Variants in PTP4A1 observed in about 807,000 individuals in gnomAD.
The protein encoded by PTP4A1 is protein tyrosine phosphatase type IVA 1.
PTP4A1 carries 9 observed loss-of-function variants against 20.5 expected under a neutral mutation model. The observed-to-expected ratio is 0.44, with a 90% CI of 0.26 to 0.77. The LOEUF is 0.77. Among genes scored for constraint, PTP4A1 ranks in the 30% least tolerant of loss-of-function variants. The pLI is 0.19. For synonymous variants in PTP4A1, 78 were observed against 67.4 expected (o/e 1.16, Z -0.77); for missense variants, 137 against 218.8 (o/e 0.63, Z 2.36).
At chr6:63,529,093 ATATATATATGTGTGTATATATATATATG>A (rs1562112309) in intron 2 of PTP4A1, among the ~76,000 whole-genome samples, 1 of 141,772 alleles carries the variant, frequency 7.1e-6, no homozygotes, top group Non-Finnish European at 1.5e-5. Flanking sequence ...CCATCTCAAA[ATATATATATGTGTGTATATATATATATG>A]TATATATATG....
chr6:63,580,434 C>G lies in PTP4A1; in HGVS notation c.*260C>G. On this transcript the variant is annotated 3_prime_UTR_variant, in exon 6 of 6. Transcript: ENST00000626021. ...TCATTTGTATCAATTGACCTTTCCC[C>G]AAATCATGCAGTATTGAGTTATGAC... 5.3e-6 allele frequency: 2 copies of G among 377,296 alleles called. No homozygotes were observed. Among genetic ancestry groups the G allele is most frequent in the Non-Finnish European group, 9.8e-6 (2 of 203,298 alleles). 23.4% of individuals were successfully genotyped at this position (377,296 alleles called of 1,614,324 possible).
chr6:63,572,017 T>C (rs548846533), upstream of PTP4A1: 1 of 152,200 alleles, frequency 6.6e-6, no homozygotes, highest in African/African-American at 2.4e-5. Flanking sequence ...CTGGCAAAGA[T>C]GACCGTGGTT....
chr6:63,516,471 T>C, the PTP4A1 span, among the ~76,000 whole-genome samples: 7,710 of 152,268 alleles, frequency 0.051, 675 homozygotes, highest in African/African-American at 0.18. Context: ...TTGAGAGCTC[T>C]GAAGTTTGAA....
intron 1 of PTP4A1, among the ~76,000 whole-genome samples, chr6:63,522,431 C>A (rs887450442): frequency 4.6e-5 from 7 of 152,010 alleles, no homozygotes; most frequent in Admixed American, 6.6e-5. Context: ...ATCAGGGGAC[C>A]CTAGTTACAA....
chr6:63,517,726 C>T (rs1329045740), upstream of PTP4A1, among the ~76,000 whole-genome samples: 2 of 152,104 alleles, frequency 1.3e-5, no homozygotes, highest in African/African-American at 4.8e-5. Flanking sequence ...ATATGTATCA[C>T]AGACACTGAT....
Position 63,572,642 on chromosome 6 carries a change from C to A in PTP4A1, c.-523C>A. On this transcript the variant is annotated 5_prime_UTR_variant, in exon 1 of 6. Transcript: ENST00000626021. Reference sequence around the variant, plus strand: ...CCGCCGCCTCCTGCCCTGCAGCCACCGCCACCGCCTGTGTCGCCGCCGCCT... The same window carrying A: ...CCGCCGCCTCCTGCCCTGCAGCCACAGCCACCGCCTGTGTCGCCGCCGCCT... 1 of 417,734 alleles carries A rather than the reference C, an allele frequency of 2.4e-6. No individual in the cohort carries two copies. 25.9% of individuals were successfully genotyped at this position (417,734 alleles called of 1,614,324 possible).
intron 2 of PTP4A1, among the ~76,000 whole-genome samples, chr6:63,541,560 T>G (rs1363378379): frequency 6.6e-6 from 1 of 151,964 alleles, no homozygotes; most frequent in Non-Finnish European, 1.5e-5. Flanking sequence ...ACAATTTAAG[T>G]CTGAAAGGAA....
intron 3 of PTP4A1, among the ~76,000 whole-genome samples, chr6:63,563,839 C>T (rs1454697943): frequency 6.6e-6 from 1 of 152,056 alleles, no homozygotes; most frequent in African/African-American, 2.4e-5. Flanking sequence ...AGACTAAGAA[C>T]CCTGCAAAGA....
In PTP4A1 at chr6:63,581,267, ATTTGT is replaced by A. The variant is rs1328328877; in HGVS notation, c.*1097_*1101del. 2.6e-5 allele frequency: 4 copies of A among 152,556 alleles called. No homozygotes were observed. Among genetic ancestry groups the A allele is most frequent in the Non-Finnish European group, 5.9e-5 (4 of 68,002 alleles). 9.5% of individuals were successfully genotyped at this position (152,556 alleles called of 1,614,324 possible). On this transcript the variant is annotated 3_prime_UTR_variant, in exon 6 of 6. Transcript: ENST00000626021. ...TAACTTAATATTTGGATACTTGACA[ATTTGT>A]TTTATTATGTAATTGATAAAATGGT...
rs568352047 is a variant in PTP4A1 at position 63,535,579 on chromosome 6, C to G, written c.-640+7495C>G. On this transcript the variant is annotated intron_variant, in intron 2 of 3. Transcript: ENST00000639568. Reference sequence around the variant, plus strand: ...GCATTTGCCAGTTGTACATATGTGTCATATGATTCTTTCAGGGATAATATG... The same window carrying G: ...GCATTTGCCAGTTGTACATATGTGTGATATGATTCTTTCAGGGATAATATG... Among the ~76,000 whole-genome samples the G allele has an allele frequency of 7.2e-5, 11 of 152,264 alleles. No individual in the cohort carries two copies. In the East Asian group the frequency reaches 1.9e-3, roughly 27 times the overall value.
rs148469094 is a variant in PTP4A1, at chr6:63,537,524, G to A, written c.-640+9440G>A. On this transcript the variant is annotated intron_variant, in intron 2 of 3. Coordinates refer to the PTP4A1 transcript ENST00000639568. ...CAGTAGAGAACCATTGCCTTAGAGC[G>A]TACCTTTTCACCCCAGAGAAAAAAG... Among the ~76,000 whole-genome samples, 652 of 152,258 alleles carry A rather than the reference G, an allele frequency of 4.3e-3. 2 individuals carry two copies. The highest frequency in any genetic ancestry group is 7.3e-3 in the Non-Finnish European group (497 of 68,020).
intron 2 of PTP4A1, among the ~76,000 whole-genome samples, chr6:63,541,430 A>G (rs1284296783): frequency 1.3e-5 from 2 of 151,948 alleles, no homozygotes; most frequent in Non-Finnish European, 2.9e-5. Context: ...GCAGGTGCCT[A>G]TAATTCCAGC....
intron 2 of PTP4A1, among the ~76,000 whole-genome samples, chr6:63,538,321 G>T (rs1189442829): frequency 6.6e-6 from 1 of 152,150 alleles, no homozygotes; most frequent in Non-Finnish European, 1.5e-5. Flanking sequence ...TGTACTGAAA[G>T]TTCAGTGAAC....
chr6:63,551,974 G>A (rs1176087421), intron 3 of PTP4A1, among the ~76,000 whole-genome samples: 1 of 152,144 alleles, frequency 6.6e-6, no homozygotes, highest in Non-Finnish European at 1.5e-5. Flanking sequence ...CCAAGTCTTT[G>A]CTATTGTGAG....
chr6:63,570,125 G>A (rs142400145), upstream of PTP4A1, among the ~76,000 whole-genome samples: 43 of 152,226 alleles, frequency 2.8e-4, no homozygotes, highest in African/African-American at 9.9e-4. Flanking sequence ...GATCTCTTGA[G>A]GTCAGGAGTT....
chr6:63,557,074 G>A (rs1006620106), intron 3 of PTP4A1, among the ~76,000 whole-genome samples: 1 of 152,170 alleles, frequency 6.6e-6, no homozygotes, highest in Non-Finnish European at 1.5e-5. Context: ...GCCAAGTACT[G>A]TGTTAAGCAC....
intron 3 of PTP4A1, among the ~76,000 whole-genome samples, chr6:63,558,798 G>A (rs1776801444): frequency 6.6e-6 from 1 of 152,202 alleles, no homozygotes; most frequent in African/African-American, 2.4e-5. Flanking sequence ...CTATAGGGCA[G>A]GGAGGCAGAG....
chr6:63,521,690 C>T (rs753841790), upstream of PTP4A1: 8 of 152,158 alleles, frequency 5.3e-5, no homozygotes, highest in Non-Finnish European at 8.8e-5. Flanking sequence ...TCTCTGCCTC[C>T]CCTACAGTAA....
rs1350770391 is a variant in PTP4A1 at position 63,580,301 on chromosome 6, A to G, written c.*127A>G. On this transcript the variant is annotated 3_prime_UTR_variant, in exon 6 of 6. Transcript: ENST00000626021. ...CATAGGAGTATTGAAAGGCAGTTTT[A>G]CCAGGCCTCAAGCTAGACAGATTTG... is the stretch of plus-strand genomic sequence containing the variant. 2.6e-6 allele frequency: 2 copies of G among 756,428 alleles called. No individual in the cohort carries two copies. The highest frequency in any genetic ancestry group is 2.2e-6 in the Non-Finnish European group (1 of 457,214). 46.9% of individuals were successfully genotyped at this position (756,428 alleles called of 1,614,324 possible).
Sources: allele counts gnomAD v4.1 joint callset (sites outside exome capture counted in the v4.1 genomes callset), GRCh38; gene constraint gnomAD v4.1.1; transcripts MANE v1.5; gene names NCBI Gene and HGNC (gene_info 2026-07-23, HGNC 2026-07-21).